CASP6: variants seen among roughly 807,000 people sequenced by gnomAD.
CASP6 encodes caspase 6.
In CASP6, 20 loss-of-function variants were observed where a neutral mutation model predicts 31.8. The observed-to-expected ratio is 0.63, with a 90% CI of 0.44 to 0.91. The LOEUF is 0.91. CASP6 is among the 40% of genes least tolerant of loss of function. CASP6 has a pLI of 0.00. For missense variants in CASP6, 328 were observed against 361.1 expected, an observed-to-expected ratio of 0.91 and a Z score of 0.74; for synonymous variants, 130 against 127.8, an observed-to-expected ratio of 1.02 and a Z score of -0.12.
chr4:109,668,451 T>C, the CASP6 span, among the ~76,000 whole-genome samples: 1 of 152,086 alleles, frequency 6.6e-6, no homozygotes, highest in South Asian at 2.1e-4. Flanking sequence ...TTAATATAGC[T>C]ATTTCAGCTT....
the CASP6 span, chr4:109,681,371 C>A: frequency 5.0e-6 from 2 of 402,998 alleles, no homozygotes; most frequent in Admixed American, 2.8e-5. Flanking sequence ...TCCTCTGGTG[C>A]AGTCTCCAAG....
chr4:109,666,728 T>G, the CASP6 span, among the ~76,000 whole-genome samples: 2 of 152,236 alleles, frequency 1.3e-5, no homozygotes, highest in Non-Finnish European at 2.9e-5. Context: ...AGGCTATGGC[T>G]TGCTTTCTCA....
At chr4:109,682,783 C>T in the CASP6 span, 2 of 1,504,616 alleles carry the variant, frequency 1.3e-6, no homozygotes, top group East Asian at 2.3e-5. Context: ...AAAATAATAC[C>T]TAGTGTTTAT....
At chr4:109,696,817 A>T (rs1730257085) in intron 3 of CASP6, among the ~76,000 whole-genome samples, 1 of 134,800 alleles carries the variant, frequency 7.4e-6, no homozygotes, top group Non-Finnish European at 1.5e-5. Flanking sequence ...ACAGAGGCTC[A>T]CTCTGTCGCC....
intron 3 of CASP6, among the ~76,000 whole-genome samples, chr4:109,696,886 T>C (rs1049139188): frequency 2.0e-5 from 3 of 150,490 alleles, no homozygotes; most frequent in African/African-American, 4.9e-5. Context: ...CCTGGCTTCA[T>C]GCCATTCTCC....
At chr4:109,678,052 A>C in the CASP6 span, among the ~76,000 whole-genome samples, 1 of 152,004 alleles carries the variant, frequency 6.6e-6, no homozygotes, top group African/African-American at 2.4e-5. Context: ...GCATCTGTTT[A>C]ACAAAGCACA....
intron 6 of CASP6, among the ~76,000 whole-genome samples, chr4:109,690,406 CCAGCTACAGGGGGG>C (rs1159049193): frequency 2.0e-5 from 3 of 151,704 alleles, no homozygotes; most frequent in Non-Finnish European, 4.4e-5. Context: ...GCCTATAGTC[CCAGCTACAGGGGGG>C]CTGAGGTGGG....
At chr4:109,681,313 A>AT in the CASP6 span, 1 of 266,784 alleles carries the variant, frequency 3.7e-6, no homozygotes, top group African/African-American at 2.3e-5. Flanking sequence ...GGAAAAGCAA[A>AT]TAAGTTGGTT....
chr4:109,688,297 A>ACAT (rs1344321205), downstream of CASP6: 20 of 152,226 alleles, frequency 1.3e-4, no homozygotes, highest in African/African-American at 4.8e-4. Context: ...CTTGAAAGTA[A>ACAT]CATCTGTTAT....
chr4:109,681,542 G>A, the CASP6 span: 78 of 423,996 alleles, frequency 1.8e-4, no homozygotes, highest in South Asian at 1.2e-3. Context: ...TTGGCCTCAC[G>A]GATTCTAAGG....
At chr4:109,673,326 C>A in the CASP6 span, among the ~76,000 whole-genome samples, 1 of 152,158 alleles carries the variant, frequency 6.6e-6, no homozygotes, top group Admixed American at 6.5e-5. Flanking sequence ...CCACATGGAC[C>A]ATAAGCCTTA....
chr4:109,706,705 G>A (rs1031933663), upstream of CASP6, among the ~76,000 whole-genome samples: 1 of 152,112 alleles, frequency 6.6e-6, no homozygotes, highest in East Asian at 1.9e-4. Flanking sequence ...CCAGGAGTTC[G>A]AGCCCAGACT....
upstream of CASP6, among the ~76,000 whole-genome samples, chr4:109,705,955 G>C (rs1730584492): frequency 9.8e-6 from 1 of 102,140 alleles, no homozygotes; most frequent in African/African-American, 3.9e-5. Flanking sequence ...CAGTCTGGGT[G>C]ACAGAGTAAG....
chr4:109,684,616 CT>C, downstream of CASP6: 4 of 1,561,344 alleles, frequency 2.6e-6, no homozygotes, highest in African/African-American at 1.4e-5. Flanking sequence ...ATTCTATGGT[CT>C]TTTTTGCATA....
chr4:109,706,040 TAA>T, upstream of CASP6, among the ~76,000 whole-genome samples: 3 of 97,940 alleles, frequency 3.1e-5, no homozygotes, highest in African/African-American at 7.5e-5. Flanking sequence ...ATAATATATA[TAA>T]AATACATATA....
In CASP6 at chr4:109,694,512, T is replaced by C; in HGVS notation, c.483+13A>G. 4 of 1,558,520 alleles carry C rather than the reference T, an allele frequency of 2.6e-6. No individual in the cohort carries two copies. The highest frequency in any genetic ancestry group is 8.7e-7 in the Non-Finnish European group (1 of 1,154,250). On this transcript the variant is annotated intron_variant, in intron 5 of 6. Coordinates refer to ENST00000265164, the MANE Select transcript of CASP6 (RefSeq NM_001226.4). ...AGACTTTATAATTAAGATGATAATG[T>C]ACTCAGTCTTACCTGAATGATAAAT...
upstream of CASP6, among the ~76,000 whole-genome samples, chr4:109,704,335 A>G (rs1730533200): frequency 6.6e-6 from 1 of 152,264 alleles, no homozygotes; most frequent in Admixed American, 6.5e-5. Context: ...ATGAATGCAA[A>G]GGAAAAAATT....
chr4:109,674,217 A>T, the CASP6 span: 1 of 752,326 alleles, frequency 1.3e-6, no homozygotes, highest in Admixed American at 1.9e-5. Flanking sequence ...ACTAATTTGT[A>T]TGGGTTTAGA....
upstream of CASP6, among the ~76,000 whole-genome samples, chr4:109,707,545 C>T (rs1409351652): frequency 1.1e-4 from 16 of 152,066 alleles, no homozygotes; most frequent in Admixed American, 1.0e-3. Context: ...CACTACCATG[C>T]CTGGCTAATT....
Sources: allele counts gnomAD v4.1 joint callset (sites outside exome capture counted in the v4.1 genomes callset), GRCh38; gene constraint gnomAD v4.1.1; transcripts MANE v1.5; gene names NCBI Gene and HGNC (gene_info 2026-07-23, HGNC 2026-07-21).